Variants in BASP1 observed in about 807,000 individuals in gnomAD.
BASP1 encodes the protein brain acid soluble protein 1.
A neutral mutation model predicts 2.2 loss-of-function variants in BASP1; 1 was observed. The observed-to-expected ratio is 0.46, with a 90% CI of 0.16 to 2.17. The LOEUF (loss-of-function observed/expected upper bound fraction) is 2.17. BASP1 is among the 30% of genes most tolerant of loss of function. The pLI is 0.27. For synonymous variants in BASP1, 187 were observed against 154.2 expected (o/e 1.21, Z -1.58); for missense variants, 352 against 327.2 (o/e 1.08, Z -0.58).
chr5:17,255,030 A>C (rs1217101927), intron 1 of BASP1, among the ~76,000 whole-genome samples: 1 of 152,150 alleles, frequency 6.6e-6, no homozygotes, highest in East Asian at 1.9e-4. Flanking sequence ...TGTAGCTTTG[A>C]TATTTTCCCC....
At chr5:17,256,592 A>T (rs1354179958) in intron 1 of BASP1, among the ~76,000 whole-genome samples, 2 of 152,256 alleles carry the variant, frequency 1.3e-5, no homozygotes, top group Admixed American at 6.5e-5. Flanking sequence ...AAATGAAATA[A>T]CCAACCCTGG....
At chr5:17,255,029 G>C (rs935419847) in intron 1 of BASP1, among the ~76,000 whole-genome samples, 3 of 152,114 alleles carry the variant, frequency 2.0e-5, no homozygotes, top group Non-Finnish European at 4.4e-5. Context: ...GTGTAGCTTT[G>C]ATATTTTCCC....
At chr5:17,270,843 A>G (rs536240500) in intron 1 of BASP1, among the ~76,000 whole-genome samples, 22 of 152,258 alleles carry the variant, frequency 1.4e-4, no homozygotes, top group African/African-American at 5.1e-4. Flanking sequence ...ATTTAAAAAA[A>G]TTTTTTTATT....
At chr5:17,245,025 C>T (rs572754542) in intron 1 of BASP1, among the ~76,000 whole-genome samples, 17 of 145,918 alleles carry the variant, frequency 1.2e-4, no homozygotes, top group South Asian at 4.9e-4. Flanking sequence ...AGTGTTGAGC[C>T]GGGTGCAGTG....
At chr5:17,238,333 TAAAAG>T (rs1363029420) in intron 1 of BASP1, among the ~76,000 whole-genome samples, 1 of 152,026 alleles carries the variant, frequency 6.6e-6, no homozygotes, top group Non-Finnish European at 1.5e-5. Flanking sequence ...AAATAAAACT[TAAAAG>T]AAACAGAAGA....
intron 1 of BASP1, among the ~76,000 whole-genome samples, chr5:17,255,986 G>A (rs1740202477): frequency 6.6e-6 from 1 of 152,160 alleles, no homozygotes; most frequent in Admixed American, 6.5e-5. Flanking sequence ...TAGAAACTTG[G>A]TCTTTGAATC....
intron 1 of BASP1, among the ~76,000 whole-genome samples, chr5:17,274,928 C>T (rs987643376): frequency 2.0e-5 from 3 of 152,096 alleles, no homozygotes; most frequent in African/African-American, 7.2e-5. Flanking sequence ...GTGTGGGAGG[C>T]TGAGGCGGGA....
In BASP1 at chr5:17,251,750, C is replaced by A. The variant is rs1740105567; in HGVS notation, c.-9-23458C>A. ...TCCAGAAAGACTCCCACATTTCTGGCTGGGCGATGGGGTGGATGTGGTTCT... is the reference window on the plus strand; with the variant it reads ...TCCAGAAAGACTCCCACATTTCTGGATGGGCGATGGGGTGGATGTGGTTCT... On this transcript the variant is annotated intron_variant, in intron 1 of 1. Transcript: ENST00000322611. This position sits in a 1 kb window ranked among gnomAD's most constrained non-coding sequence, Gnocchi z 4.0. Among the ~76,000 whole-genome samples, 1 of 152,092 alleles carries A rather than the reference C, an allele frequency of 6.6e-6. No homozygotes were observed. The highest frequency in any genetic ancestry group is 2.4e-5 in the African/African-American group (1 of 41,430).
At chr5:17,233,445 C>A (rs1458428037) in intron 1 of BASP1, among the ~76,000 whole-genome samples, 3 of 152,172 alleles carry the variant, frequency 2.0e-5, no homozygotes, top group Non-Finnish European at 4.4e-5. Context: ...TGGGTAAGAT[C>A]TGAAGGAGCT....
In BASP1 at chr5:17,275,930, A is replaced by T; in HGVS notation, c.*30A>T. The T allele has an allele frequency of 6.7e-7, 1 of 1,486,300 alleles. No homozygotes were observed. Among genetic ancestry groups the T allele is most frequent in the Non-Finnish European group, 9.0e-7 (1 of 1,116,464 alleles). 92.1% of individuals were successfully genotyped at this position (1,486,300 alleles called of 1,614,324 possible). On this transcript the variant is annotated 3_prime_UTR_variant, in exon 2 of 2. Coordinates refer to ENST00000322611, the MANE Select transcript of BASP1 (RefSeq NM_006317.5). This position sits in a 1 kb window ranked among gnomAD's most constrained non-coding sequence, Gnocchi z 5.3. ...GACAGCCTATAGGAAAAACAATACC[A>T]CTTAAAACAATCTCCTCTCTCTCTC...
intron 1 of BASP1, among the ~76,000 whole-genome samples, chr5:17,223,008 A>G (rs1739421109): frequency 6.6e-6 from 1 of 150,642 alleles, no homozygotes; most frequent in Admixed American, 6.7e-5. Context: ...CTTATCACTT[A>G]AGCATTTTAT....
intron 1 of BASP1, among the ~76,000 whole-genome samples, chr5:17,256,654 G>A (rs867123170): frequency 6.6e-6 from 1 of 152,192 alleles, no homozygotes; most frequent in Non-Finnish European, 1.5e-5. Flanking sequence ...TGGCTGTAAC[G>A]AGACTGAATC....
chr5:17,275,528 C>CGAGCAG lies in BASP1; in HGVS notation c.320_325dup (p.Glu107_Gln108dup). On this transcript the variant is annotated inframe_insertion, in exon 2 of 2. Coordinates refer to ENST00000322611, the MANE Select transcript of BASP1 (RefSeq NM_006317.5). This position sits in a 1 kb window ranked among gnomAD's most constrained non-coding sequence, Gnocchi z 5.3. The stretch of plus-strand genomic sequence containing the variant: ...CCAAGGCTGAGCCCCCGAAGGCGCC[C>CGAGCAG]GAGCAGGAGCAGGCGGCCCCCGGCC... 1 of 1,426,838 alleles carries CGAGCAG rather than the reference C, an allele frequency of 7.0e-7. No homozygotes were observed. 88.4% of individuals were successfully genotyped at this position (1,426,838 alleles called of 1,614,324 possible).
intron 1 of BASP1, among the ~76,000 whole-genome samples, chr5:17,245,131 G>A (rs1368906440): frequency 3.3e-5 from 5 of 151,208 alleles, no homozygotes; most frequent in African/African-American, 7.3e-5. Flanking sequence ...ATGAAACCCC[G>A]TCTCTACTAA....
At position 17,275,756 on chromosome 5, in the gene BASP1, C is replaced by A; in HGVS notation, c.540C>A (p.Ala180=). ...CAAAACCCGGCAGCTCGGAGGCTGCCCCCTCTTCCAAGGAGACCCCCGCAG... is the reference window on the plus strand; with the variant it reads ...CAAAACCCGGCAGCTCGGAGGCTGCACCCTCTTCCAAGGAGACCCCCGCAG... ...SDSKPGSSEA[A]PSSKETPAAT... is the part of the protein sequence containing the mutation. Residue 180 remains alanine (A), a synonymous_variant, in exon 2 of 2, where the codon GCC becomes GCA. Transcript: ENST00000322611. The surrounding 1 kb of genome is among the most constrained non-coding windows in gnomAD (Gnocchi z 5.3). 1 of 1,612,446 alleles carries A rather than the reference C, an allele frequency of 6.2e-7. No homozygotes were observed. Among genetic ancestry groups the A allele is most frequent in the Non-Finnish European group, 8.5e-7 (1 of 1,179,538 alleles).
intron 1 of BASP1, among the ~76,000 whole-genome samples, chr5:17,247,772 A>G (rs1341579253): frequency 1.3e-5 from 2 of 152,190 alleles, no homozygotes; most frequent in South Asian, 4.1e-4. Flanking sequence ...GGCGCTTCGT[A>G]TGTACATTTT....
chr5:17,251,724 G>T lies in BASP1; in HGVS notation c.-9-23484G>T, dbSNP rs184707016. ...GTAGCGGTGGTGGTGGTGAAAGTTGGTCCAGAAAGACTCCCACATTTCTGG... is the reference window on the plus strand; with the variant it reads ...GTAGCGGTGGTGGTGGTGAAAGTTGTTCCAGAAAGACTCCCACATTTCTGG... On this transcript the variant is annotated intron_variant, in intron 1 of 1. Coordinates refer to ENST00000322611, the MANE Select transcript of BASP1 (RefSeq NM_006317.5). This position sits in a 1 kb window ranked among gnomAD's most constrained non-coding sequence, Gnocchi z 4.0. Among the ~76,000 whole-genome samples, 1 of 152,276 alleles carries T rather than the reference G, an allele frequency of 6.6e-6. No individual in the cohort carries two copies. The highest frequency in any genetic ancestry group is 1.9e-4 in the East Asian group (1 of 5,190).
At chr5:17,232,567 G>C (rs1739655372) in intron 1 of BASP1, among the ~76,000 whole-genome samples, 1 of 152,158 alleles carries the variant, frequency 6.6e-6, no homozygotes. Context: ...CTGTGGTCCA[G>C]TAAAGGGCTG....
Position 17,276,728 on chromosome 5 carries a change from G to GAA in BASP1, c.*837_*838dup, listed in dbSNP as rs1314210550. Reference sequence around the variant, plus strand: ...CCAACACACCACTCATTGGAAAATGGAAAAAAAAAACAAAAAAAAAACAAA... The same window carrying GAA: ...CCAACACACCACTCATTGGAAAATGGAAAAAAAAAAAACAAAAAAAAAACAAA... On this transcript the variant is annotated 3_prime_UTR_variant, in exon 2 of 2. Coordinates refer to ENST00000322611, the MANE Select transcript of BASP1 (RefSeq NM_006317.5). The GAA allele has an allele frequency of 1.5e-3, 91 of 58,774 alleles. No individual in the cohort carries two copies. Among genetic ancestry groups the GAA allele is most frequent in the African/African-American group, 1.2e-3 (17 of 14,240 alleles). The allele number at this position is 58,774 out of a possible 1,614,324, so 3.6% of individuals were successfully genotyped here.
Sources: allele counts gnomAD v4.1 joint callset (sites outside exome capture counted in the v4.1 genomes callset), GRCh38; gene constraint gnomAD v4.1.1; non-coding constraint Gnocchi (gnomAD v3.1); transcripts MANE v1.5; gene names NCBI Gene and HGNC (gene_info 2026-07-23, HGNC 2026-07-21).